Variants in SBNO2 observed in about 807,000 individuals in gnomAD.
SBNO2 encodes the protein strawberry notch homolog 2, also known as protein strawberry notch homolog 2.
In SBNO2, 89 loss-of-function variants were observed where a neutral mutation model predicts 146.3. The observed-to-expected ratio is 0.61, with a 90% CI of 0.51 to 0.73. The LOEUF is 0.73. SBNO2 is among the 30% of genes least tolerant of loss of function. The pLI is 0.00. For synonymous variants in SBNO2, 1,147 were observed against 892.6 expected (o/e 1.29, Z -5.08); for missense variants, 2,092 against 2,003.7 (o/e 1.04, Z -0.84).
At chr19:1,114,544 C>G in intron 17 of SBNO2, 122 bp from the exon 18 acceptor site, 1 of 804,312 alleles carries the variant, frequency 1.2e-6, no homozygotes, top group Non-Finnish European at 1.8e-6. Context: ...TCCGAGAACC[C>G]CCTGCCTCTG....
chr19:1,109,543 A>G lies in SBNO2; in HGVS notation c.3179T>C (p.Leu1060Pro), dbSNP rs2079727536. The part of the protein sequence containing the change: ...WEDAFAKSLA[L>P]TGPYDGFYLS... ...GTAGAAGCCGTCATAGGGGCCCGTC[A>G]GCGCCAGCGACTTGGCAAAGGCGTC... is the stretch of plus-strand genomic sequence containing the variant. Residue 1060 changes from leucine to proline, a missense_variant, in exon 28 of 32, where the codon CTG becomes CCG. Transcript: ENST00000361757. The surrounding 1 kb of genome is among the most constrained non-coding windows in gnomAD (Gnocchi z 4.2). 1 of 1,600,824 alleles carries G rather than the reference A, an allele frequency of 6.2e-7. No individual in the cohort carries two copies. Among genetic ancestry groups the G allele is most frequent in the Non-Finnish European group, 8.5e-7 (1 of 1,175,112 alleles).
chr19:1,111,763 C>A (rs1308992843), intron 23 of SBNO2, 149 bp from the exon 24 acceptor site: 3 of 729,302 alleles, frequency 4.1e-6, no homozygotes, highest in Non-Finnish European at 4.6e-6. Context: ...AGCTCTCAGC[C>A]ACCTCCTCCC....
At chr19:1,135,170 T>C (rs1163937352) in intron 4 of SBNO2, among the ~76,000 whole-genome samples, 1 of 151,604 alleles carries the variant, frequency 6.6e-6, no homozygotes, top group Non-Finnish European at 1.5e-5. Context: ...AAGACCAGCC[T>C]GGGCAACATA....
At chr19:1,172,787 G>GCCCCC (rs1163080772) in intron 1 of SBNO2, among the ~76,000 whole-genome samples, 1 of 46,262 alleles carries the variant, frequency 2.2e-5, no homozygotes, top group African/African-American at 1.6e-4. Context: ...CGCCCCCCCC[G>GCCCCC]CCCCGGCAAA....
At chr19:1,166,115 ACCCC>A in intron 1 of SBNO2, among the ~76,000 whole-genome samples, 1 of 104,148 alleles carries the variant, frequency 9.6e-6, no homozygotes, top group African/African-American at 3.7e-5. Context: ...CAGATCTCAG[ACCCC>A]AGATCCCAGA....
rs1439379264 is a variant in SBNO2 at position 1,107,971 on chromosome 19, C to A, written c.*249G>T. On this transcript the variant is annotated 3_prime_UTR_variant, in exon 32 of 32. Coordinates refer to ENST00000361757, the MANE Select transcript of SBNO2 (RefSeq NM_014963.3). Reference sequence around the variant, plus strand: ...TGGGTGCCCAGTCCCAGAGCAGCCACCCGGAGCCCCTTCCTACTTGGGAGG... The same window carrying A: ...TGGGTGCCCAGTCCCAGAGCAGCCAACCGGAGCCCCTTCCTACTTGGGAGG... 9.8e-6 allele frequency: 3 copies of A among 306,220 alleles called. No homozygotes were observed. Among genetic ancestry groups the A allele is most frequent in the Non-Finnish European group, 1.8e-5 (3 of 164,950 alleles). 19.0% of individuals were successfully genotyped at this position (306,220 alleles called of 1,614,324 possible). A position where few individuals can be genotyped will look rare whatever the true frequency, so the allele number is the denominator to read the frequency against.
At chr19:1,119,824 C>T (rs1013524819) in intron 12 of SBNO2, 82 bp downstream of exon 12, 24 of 1,122,962 alleles carry the variant, frequency 2.1e-5, no homozygotes, top group Middle Eastern at 2.5e-4. Context: ...GCTGAGTACG[C>T]GTGTGGGATA....
At chr19:1,125,651 C>A (rs943196030) in intron 5 of SBNO2, among the ~76,000 whole-genome samples, 1 of 150,322 alleles carries the variant, frequency 6.7e-6, no homozygotes, top group Non-Finnish European at 1.5e-5. Context: ...CCAGCCTGGG[C>A]GACAAGAGCG....
In SBNO2 at chr19:1,150,864, T is replaced by A. The variant is rs1443823213; in HGVS notation, c.94-1422A>T. Among the ~76,000 whole-genome samples the A allele has an allele frequency of 6.6e-6, 1 of 151,994 alleles. No individual in the cohort carries two copies. Among genetic ancestry groups the A allele is most frequent in the Non-Finnish European group, 1.5e-5 (1 of 67,960 alleles). On this transcript the variant is annotated intron_variant, in intron 2 of 31. Coordinates refer to ENST00000361757, the MANE Select transcript of SBNO2 (RefSeq NM_014963.3). This position sits in a 1 kb window ranked among gnomAD's most constrained non-coding sequence, Gnocchi z 6.2. The stretch of plus-strand genomic sequence containing the variant: ...GGGGATTCCAGGACCCCCGACAGCC[T>A]CGAGATAGGCAAAGCCCTCGGGGTG...
intron 1 of SBNO2, among the ~76,000 whole-genome samples, chr19:1,171,432 C>G (rs527613724): frequency 2.6e-5 from 4 of 152,242 alleles, no homozygotes; most frequent in African/African-American, 9.6e-5. Context: ...ATGCAGAGTC[C>G]CCAGGGCAGC....
At chr19:1,122,406 GC>G (rs756817551) in intron 10 of SBNO2, 61 bp downstream of exon 10, 2 of 1,526,648 alleles carry the variant, frequency 1.3e-6, no homozygotes, top group Non-Finnish European at 1.8e-6. Flanking sequence ...CAGCTGAGCA[GC>G]CCCCACTTTG....
rs539897438 is a variant in SBNO2, at chr19:1,154,341, C to T, written c.-65G>A. ...GCGGCGGGACTCCAGGACCCGGGGC[C>T]GCCGGGGCGTCTATCTGGGCTTCTC... is the stretch of plus-strand genomic sequence containing the variant. On this transcript the variant is annotated 5_prime_UTR_variant, in exon 2 of 32. Coordinates refer to ENST00000361757, the MANE Select transcript of SBNO2 (RefSeq NM_014963.3). The T allele has an allele frequency of 7.6e-6, 7 of 919,520 alleles. No individual in the cohort carries two copies. The highest frequency in any genetic ancestry group is 7.1e-6 in the Non-Finnish European group (5 of 701,370). The allele number at this position is 919,520 out of a possible 1,614,324, so 57.0% of individuals were successfully genotyped here. A position where few individuals can be genotyped will look rare whatever the true frequency, so the allele number is the denominator to read the frequency against.
At chr19:1,124,101 AGGGAG>A in intron 5 of SBNO2, 79 bp from the exon 6 acceptor site, 1 of 1,363,786 alleles carries the variant, frequency 7.3e-7, no homozygotes, top group Non-Finnish European at 1.0e-6. Flanking sequence ...TGGCCACCAG[AGGGAG>A]GCTCCCCACT....
chr19:1,166,646 C>G (rs1384289412), intron 1 of SBNO2, among the ~76,000 whole-genome samples: 1 of 151,412 alleles, frequency 6.6e-6, no homozygotes, highest in African/African-American at 2.4e-5. Context: ...CACACACACA[C>G]ACACGCTAAA....
rs960004789 is a variant in SBNO2 at position 1,139,515 on chromosome 19, C to T, written c.279+7794G>A. On this transcript the variant is annotated intron_variant, in intron 4 of 31. Transcript: ENST00000361757. ...TGAGTCTCACGTGACAGAAAAGGGG[C>T]GGGGCGTGGTGGCTCGCACCTGTAA... Among the ~76,000 whole-genome samples, 9 of 152,102 alleles carry T rather than the reference C, an allele frequency of 5.9e-5. No individual in the cohort carries two copies. In the East Asian group the frequency reaches 7.7e-4, roughly 13 times the overall value.
chr19:1,172,909 G>A (rs553851936), intron 1 of SBNO2, among the ~76,000 whole-genome samples: 2 of 151,940 alleles, frequency 1.3e-5, no homozygotes, highest in East Asian at 1.9e-4. Context: ...TCACAGGCAG[G>A]AAGGACGTTC....
At chr19:1,122,410 C>T (rs762411471) in intron 10 of SBNO2, 58 bp downstream of exon 10, 24 of 1,529,090 alleles carry the variant, frequency 1.6e-5, no homozygotes, top group Non-Finnish European at 2.0e-5. Flanking sequence ...TGAGCAGCCC[C>T]CACTTTGCAG....
rs2080496504 is a variant in SBNO2, at chr19:1,173,028, C to G, written c.-127+1144G>C. ...TTTTTTAACTTTTCAGAATGTTAAT[C>G]AGTTCATCCAGGGAGACACCCACCG... On this transcript the variant is annotated intron_variant, in intron 1 of 31. Transcript: ENST00000361757. The surrounding 1 kb of genome is among the most constrained non-coding windows in gnomAD (Gnocchi z 4.7). 6.7e-6 allele frequency among the ~76,000 whole-genome samples: 1 copy of G among 148,764 alleles called. No homozygotes were observed. Among genetic ancestry groups the G allele is most frequent in the Non-Finnish European group, 1.5e-5 (1 of 67,458 alleles).
In SBNO2 at chr19:1,174,187, G is replaced by C. The variant is rs1004769909; in HGVS notation, c.-142C>G. 6.6e-6 allele frequency: 1 copy of C among 151,892 alleles called. No individual in the cohort carries two copies. The highest frequency in any genetic ancestry group is 2.4e-5 in the African/African-American group (1 of 41,374). The allele number at this position is 151,892 out of a possible 1,614,324, so 9.4% of individuals were successfully genotyped here. A position where few individuals can be genotyped will look rare whatever the true frequency, so the allele number is the denominator to read the frequency against. Reference sequence around the variant, plus strand: ...AGAGCCTCACCTCGGGCCCGGGTCCGGCCGGGCGCGGAGCCCGCGGCGCCT... The same window carrying C: ...AGAGCCTCACCTCGGGCCCGGGTCCCGCCGGGCGCGGAGCCCGCGGCGCCT... On this transcript the variant is annotated 5_prime_UTR_variant, in exon 1 of 32. Transcript: ENST00000361757.
Sources: allele counts gnomAD v4.1 joint callset (sites outside exome capture counted in the v4.1 genomes callset), GRCh38; gene constraint gnomAD v4.1.1; non-coding constraint Gnocchi (gnomAD v3.1); transcripts MANE v1.5; gene names NCBI Gene and HGNC (gene_info 2026-07-23, HGNC 2026-07-21).